Variants in NKIRAS1 observed in about 807,000 individuals in gnomAD.
The protein encoded by NKIRAS1 is NF-kappa-B inhibitor-interacting Ras-like protein 1.
In NKIRAS1, 16 loss-of-function variants were observed where a neutral mutation model predicts 19.8. The observed-to-expected ratio is 0.81, with a 90% confidence interval of 0.55 to 1.23. NKIRAS1 has a LOEUF of 1.23. NKIRAS1 is among the 50% of genes most tolerant of loss of function. The pLI, the probability that NKIRAS1 is intolerant of heterozygous loss-of-function variation, is 0.00. For missense variants in NKIRAS1, 184 were observed against 220.0 expected (o/e 0.84, Z 1.04); for synonymous variants, 88 against 79.0 (o/e 1.11, Z -0.61).
At chr3:23,921,703 T>C, upstream of NKIRAS1, 1 of 614,682 alleles carries the variant, frequency 1.6e-6, no homozygotes, top group South Asian at 1.7e-5. Context: ...GCCTCCCAAA[T>C]AGCCAGGACT....
chr3:23,944,204 A>G (rs1304816776), intron 1 of NKIRAS1, among the ~76,000 whole-genome samples: 3 of 152,254 alleles, frequency 2.0e-5, no homozygotes, highest in Non-Finnish European at 4.4e-5. Flanking sequence ...TGCTGGCTTC[A>G]GGAACTTGCA....
At chr3:23,898,248 T>C (rs1328577964) in intron 4 of NKIRAS1, among the ~76,000 whole-genome samples, 1 of 152,048 alleles carries the variant, frequency 6.6e-6, no homozygotes, top group Non-Finnish European at 1.5e-5. Context: ...TAAAGTAAAT[T>C]AGTATTCTAA....
intron 4 of NKIRAS1, among the ~76,000 whole-genome samples, chr3:23,898,090 G>C (rs1309688142): frequency 1.3e-5 from 2 of 152,060 alleles, no homozygotes; most frequent in Non-Finnish European, 2.9e-5. Context: ...TTCAACTTTT[G>C]TGGGGCAGAG....
intron 1 of NKIRAS1, chr3:23,945,606 A>T: frequency 8.6e-7 from 1 of 1,156,732 alleles, no homozygotes; most frequent in Non-Finnish European, 1.1e-6. Flanking sequence ...TAAGAACCGG[A>T]CTGCGGCGGG....
chr3:23,940,440 C>G (rs1342677120), intron 1 of NKIRAS1, among the ~76,000 whole-genome samples: 5 of 152,024 alleles, frequency 3.3e-5, no homozygotes, highest in African/African-American at 7.3e-5. Context: ...ACTTTAACCA[C>G]TACATCTCAT....
intron 4 of NKIRAS1, among the ~76,000 whole-genome samples, chr3:23,897,346 T>G (rs976841906): frequency 6.6e-6 from 1 of 152,188 alleles, no homozygotes; most frequent in African/African-American, 2.4e-5. Flanking sequence ...TACAGGATCT[T>G]GGTGGTTGAG....
chr3:23,892,504 G>A lies in NKIRAS1; in HGVS notation c.*591C>T, dbSNP rs1288332636. ...GTGATGAACCTACTTAACACTACCTGGTACCTCAACTCATGCTAAACATTC... is the reference window on the plus strand; with the variant it reads ...GTGATGAACCTACTTAACACTACCTAGTACCTCAACTCATGCTAAACATTC... On this transcript the variant is annotated 3_prime_UTR_variant, in exon 5 of 5. Transcript: ENST00000425478. 6.6e-6 allele frequency: 1 copy of A among 152,066 alleles called. No homozygotes were observed. The highest frequency in any genetic ancestry group is 1.9e-4 in the East Asian group (1 of 5,202). 9.4% of individuals were successfully genotyped at this position (152,066 alleles called of 1,614,324 possible).
intron 4 of NKIRAS1, among the ~76,000 whole-genome samples, chr3:23,899,314 G>C (rs191074841): frequency 2.6e-5 from 4 of 152,190 alleles, no homozygotes; most frequent in African/African-American, 9.6e-5. Context: ...GGTACCACTG[G>C]GGCAAACTGG....
At chr3:23,932,849 G>C (rs1048856422) in intron 1 of NKIRAS1, among the ~76,000 whole-genome samples, 2 of 152,210 alleles carry the variant, frequency 1.3e-5, no homozygotes, top group African/African-American at 4.8e-5. Context: ...TATGCTGGGA[G>C]TCAACAACGT....
In NKIRAS1 at chr3:23,890,983, C is replaced by T. The variant is rs1701410512; in HGVS notation, c.*2112G>A. 6.4e-6 allele frequency: 1 copy of T among 156,202 alleles called. No homozygotes were observed. Among genetic ancestry groups the T allele is most frequent in the East Asian group, 1.9e-4 (1 of 5,368 alleles). The allele number at this position is 156,202 out of a possible 1,614,324, so 9.7% of individuals were successfully genotyped here. ...AAGACTACATACTTTTTGTTTAAAA[C>T]AAAATTGGAATTTGTTTTCCCTTCT... On this transcript the variant is annotated 3_prime_UTR_variant, in exon 5 of 5. Coordinates refer to ENST00000425478, the MANE Select transcript of NKIRAS1 (RefSeq NM_020345.4).
Position 23,911,952 on chromosome 3 carries a change from C to T in NKIRAS1, c.-139-502G>A, listed in dbSNP as rs531453408. On this transcript the variant is annotated intron_variant, in intron 1 of 4. Transcript: ENST00000425478. ...GAAATTTTTGTATTTTTAGTAGAGACGGGGTTTCACTATGTTGGCCAGGAT... is the reference window on the plus strand; with the variant it reads ...GAAATTTTTGTATTTTTAGTAGAGATGGGGTTTCACTATGTTGGCCAGGAT... Among the ~76,000 whole-genome samples the T allele has an allele frequency of 7.9e-5, 12 of 152,024 alleles. 1 individual carries two copies. In the South Asian group the frequency reaches 8.3e-4, roughly 11 times the overall value.
chr3:23,899,464 G>GT (rs956136399), intron 4 of NKIRAS1, among the ~76,000 whole-genome samples: 1 of 152,160 alleles, frequency 6.6e-6, no homozygotes, highest in South Asian at 2.1e-4. Flanking sequence ...TGTTTGTTTT[G>GT]TTTTTTGTTT....
At chr3:23,928,724 A>C (rs1705253699) in intron 1 of NKIRAS1, among the ~76,000 whole-genome samples, 1 of 149,696 alleles carries the variant, frequency 6.7e-6, no homozygotes, top group Non-Finnish European at 1.5e-5. Flanking sequence ...GGGCGCTGTG[A>C]CTCACACCTG....
chr3:23,917,692 A>T, upstream of NKIRAS1: 1 of 675,164 alleles, frequency 1.5e-6, no homozygotes, highest in Non-Finnish European at 2.5e-6. Flanking sequence ...CCGTGGGCGC[A>T]GTGGTGGGGG....
Position 23,926,077 on chromosome 3 carries a change from G to A in NKIRAS1, c.-139-14627C>T, listed in dbSNP as rs537841443. On this transcript the variant is annotated intron_variant, in intron 1 of 4. Transcript: ENST00000421515. The surrounding 1 kb of genome is among the most constrained non-coding windows in gnomAD (Gnocchi z 4.3). Reference sequence around the variant, plus strand: ...TTATTTATTTATTTTTTGAGACAGCGTCTTGCTCTGTCGCCCAGGCTGGAG... The same window carrying A: ...TTATTTATTTATTTTTTGAGACAGCATCTTGCTCTGTCGCCCAGGCTGGAG... 1.3e-5 allele frequency among the ~76,000 whole-genome samples: 2 copies of A among 151,994 alleles called. No homozygotes were observed. The highest frequency in any genetic ancestry group is 2.9e-5 in the Non-Finnish European group (2 of 68,014).
At chr3:23,919,969 A>T (rs1704980988), upstream of NKIRAS1, 1 of 988,530 alleles carries the variant, frequency 1.0e-6, no homozygotes, top group South Asian at 4.7e-5. Flanking sequence ...AAATTGCCTC[A>T]GCCTCCACAG....
intron 1 of NKIRAS1, chr3:23,924,182 A>G (rs1705168703): frequency 6.6e-6 from 1 of 152,244 alleles, no homozygotes; most frequent in South Asian, 2.1e-4. Flanking sequence ...AAACGACTGC[A>G]TTAGTTGTGT....
intron 1 of NKIRAS1, among the ~76,000 whole-genome samples, chr3:23,934,985 C>G (rs1167927771): frequency 2.6e-5 from 4 of 152,000 alleles, no homozygotes. Context: ...CAGCAGGACC[C>G]GCTCCAATCC....
In NKIRAS1 at chr3:23,894,959, G is replaced by C. The variant is rs1701837183; in HGVS notation, c.337-1622C>G. ...CGTAGATGCTGCTTCCAGTAACCTG[G>C]TCTCTTATTCTTTGACTTCTCCAAT... is the stretch of plus-strand genomic sequence containing the variant. On this transcript the variant is annotated intron_variant, in intron 4 of 4. Transcript: ENST00000425478. Among the ~76,000 whole-genome samples, 3 of 152,170 alleles carry C rather than the reference G, an allele frequency of 2.0e-5. No individual in the cohort carries two copies. In the South Asian group the frequency reaches 6.2e-4, roughly 32 times the overall value.
Sources: gnomAD v4.1 joint callset for allele counts (sites outside exome capture counted in the v4.1 genomes callset) on GRCh38, gnomAD v4.1.1 for gene constraint, Gnocchi (gnomAD v3.1) non-coding constraint, MANE v1.5 for transcripts, NCBI Gene and HGNC (gene_info 2026-07-23, HGNC 2026-07-21) for gene names.